GRID2: variants seen among roughly 807,000 people sequenced by gnomAD.
GRID2 encodes the protein glutamate receptor ionotropic, delta-2.
Under a neutral mutation model 114.8 loss-of-function variants are expected in GRID2, and 33 were observed. The observed-to-expected ratio is 0.29, with a 90% CI of 0.22 to 0.38. GRID2 has a LOEUF of 0.38. Ranked by LOEUF, GRID2 falls within the 10% of genes least tolerant of loss-of-function variation. GRID2 has a pLI of 1.00. For missense variants in GRID2, 1,184 were observed against 1,257.7 expected, an observed-to-expected ratio of 0.94 and a Z score of 0.89; for synonymous variants, 505 against 449.9, an observed-to-expected ratio of 1.12 and a Z score of -1.55.
chr4:92,563,762 G>T (rs994217268), intron 1 of GRID2, among the ~76,000 whole-genome samples: 9 of 151,990 alleles, frequency 5.9e-5, no homozygotes, highest in African/African-American at 2.2e-4. Flanking sequence ...TGTCAAATTA[G>T]TCAGATATTT....
chr4:93,406,748 A>T (rs578042643), intron 9 of GRID2, among the ~76,000 whole-genome samples: 2 of 152,146 alleles, frequency 1.3e-5, no homozygotes, highest in Non-Finnish European at 2.9e-5. Flanking sequence ...GGATACTCCC[A>T]CACACCTTGC....
chr4:92,442,213 C>G (rs1038952849), intron 1 of GRID2, among the ~76,000 whole-genome samples: 1 of 150,868 alleles, frequency 6.6e-6, no homozygotes, highest in Non-Finnish European at 1.5e-5. Flanking sequence ...CCGAGGCGAT[C>G]GGGCGGTGTT....
chr4:93,246,416 C>A (rs1440393530), intron 8 of GRID2, among the ~76,000 whole-genome samples: 1 of 151,656 alleles, frequency 6.6e-6, no homozygotes, highest in African/African-American at 2.4e-5. Context: ...TGAAACCTCG[C>A]CTCTACTAAA....
chr4:93,104,721 G>T (rs1383510837), intron 3 of GRID2, among the ~76,000 whole-genome samples: 1 of 152,138 alleles, frequency 6.6e-6, no homozygotes, highest in Non-Finnish European at 1.5e-5. Flanking sequence ...TGGACATTTG[G>T]GTTGGTTCCA....
intron 2 of GRID2, among the ~76,000 whole-genome samples, chr4:92,946,575 ACTACTATGCAAACT>A (rs1751647995): frequency 6.6e-6 from 1 of 152,052 alleles, no homozygotes; most frequent in African/African-American, 2.4e-5. Context: ...CTTTGTTTGT[ACTACTATGCAAACT>A]CTACTGCATA....
chr4:92,644,063 TCTGA>T (rs755679906), intron 2 of GRID2, among the ~76,000 whole-genome samples: 6 of 151,726 alleles, frequency 4.0e-5, no homozygotes, highest in Non-Finnish European at 5.9e-5. Context: ...TACAACTAGA[TCTGA>T]CTGACATGAT....
At chr4:93,806,202 A>G (rs991353617) in intron 1 of GRID2, among the ~76,000 whole-genome samples, 1 of 152,232 alleles carries the variant, frequency 6.6e-6, no homozygotes, top group African/African-American at 2.4e-5. Context: ...CAATTTATAT[A>G]TTTATTATTA....
intron 1 of GRID2, among the ~76,000 whole-genome samples, chr4:93,794,469 C>T (rs542691864): frequency 2.6e-5 from 4 of 152,238 alleles, no homozygotes; most frequent in South Asian, 4.2e-4. Context: ...GGAAAGGAGC[C>T]GTGGAGAGGC....
chr4:93,795,346 T>C (rs2110361914), intron 1 of GRID2, among the ~76,000 whole-genome samples: 1 of 151,960 alleles, frequency 6.6e-6, no homozygotes. Context: ...TAAGTGTGTA[T>C]TATATATATG....
intron 14 of GRID2, among the ~76,000 whole-genome samples, chr4:93,660,559 CG>C (rs1192601598): frequency 1.3e-5 from 2 of 151,712 alleles, no homozygotes; most frequent in Non-Finnish European, 2.9e-5. Flanking sequence ...GCAGTAGTCG[CG>C]TATCTGCCTC....
At chr4:92,510,350 T>C (rs1357642992) in intron 1 of GRID2, among the ~76,000 whole-genome samples, 1 of 151,842 alleles carries the variant, frequency 6.6e-6, no homozygotes, top group African/African-American at 2.4e-5. Context: ...CCTATTGAAT[T>C]TGAGATATCC....
chr4:92,977,992 A>G (rs1186432755), intron 2 of GRID2, among the ~76,000 whole-genome samples: 3 of 152,310 alleles, frequency 2.0e-5, no homozygotes, highest in Non-Finnish European at 1.5e-5. Context: ...ATCTTGCACA[A>G]GTTATACATT....
chr4:93,243,045 G>T (rs185317980), intron 8 of GRID2, among the ~76,000 whole-genome samples: 1 of 151,918 alleles, frequency 6.6e-6, no homozygotes, highest in Non-Finnish European at 1.5e-5. Context: ...CACTATAGAG[G>T]TATTATGAAA....
At chr4:93,144,201 A>G (rs1736004208) in intron 4 of GRID2, among the ~76,000 whole-genome samples, 1 of 152,172 alleles carries the variant, frequency 6.6e-6, no homozygotes, top group Non-Finnish European at 1.5e-5. Flanking sequence ...TTTTAAATAA[A>G]AGAGACTCAA....
At chr4:92,807,940 T>C (rs146156513) in intron 2 of GRID2, among the ~76,000 whole-genome samples, 137 of 152,132 alleles carry the variant, frequency 9.0e-4, no homozygotes, top group Middle Eastern at 6.8e-3. Context: ...CCCCAAAACC[T>C]GTGAACATAT....
chr4:92,993,984 T>A (rs1390332225), intron 2 of GRID2, among the ~76,000 whole-genome samples: 1 of 152,210 alleles, frequency 6.6e-6, no homozygotes, highest in Non-Finnish European at 1.5e-5. Context: ...AGCATATCAT[T>A]TCAGGGGCCA....
At chr4:92,784,498 A>C (rs904876590) in intron 2 of GRID2, among the ~76,000 whole-genome samples, 14 of 151,850 alleles carry the variant, frequency 9.2e-5, no homozygotes, top group African/African-American at 3.4e-4. Flanking sequence ...GAAATTCATG[A>C]GTATATACTT....
intron 2 of GRID2, among the ~76,000 whole-genome samples, chr4:92,600,173 A>T (rs2149218850): frequency 6.7e-6 from 1 of 149,622 alleles, no homozygotes; most frequent in East Asian, 2.0e-4. Flanking sequence ...TATAGAGAAT[A>T]TTCTTGAATA....
chr4:92,742,005 G>C (rs1736914994), intron 2 of GRID2, among the ~76,000 whole-genome samples: 1 of 152,040 alleles, frequency 6.6e-6, no homozygotes, highest in Admixed American at 6.6e-5. Flanking sequence ...TTACTGTAGG[G>C]TGTTTCATAA....
Sources: gnomAD v4.1 joint callset for allele counts (sites outside exome capture counted in the v4.1 genomes callset) on GRCh38, gnomAD v4.1.1 for gene constraint, MANE v1.5 for transcripts, NCBI Gene and HGNC (gene_info 2026-07-23, HGNC 2026-07-21) for gene names.